The following ESRRG variants were observed in gnomAD, a reference collection of about 807,000 sequenced individuals.
The protein encoded by ESRRG is estrogen related receptor gamma, also known as estrogen-related receptor gamma.
A neutral mutation model predicts 44.0 loss-of-function variants in ESRRG; 13 were observed. The ratio of observed to expected loss-of-function variants is 0.30; its 90% CI spans 0.19 to 0.47. ESRRG has a LOEUF of 0.47. Ranked by LOEUF, ESRRG falls within the 20% of genes least tolerant of loss-of-function variation. ESRRG has a pLI of 1.00. For missense variants in ESRRG, 395 were observed against 580.6 expected, an observed-to-expected ratio of 0.68 and a Z score of 3.29; for synonymous variants, 215 against 214.6, an observed-to-expected ratio of 1.00 and a Z score of -0.02.
At chr1:216,520,431 A>G (rs1290964560) in intron 5 of ESRRG, among the ~76,000 whole-genome samples, 5 of 152,118 alleles carry the variant, frequency 3.3e-5, no homozygotes, top group Non-Finnish European at 7.4e-5. Context: ...AGTCCCTCTG[A>G]GCTTGAGAAA....
rs757408808 is a variant in ESRRG, at chr1:216,504,272, TC to T, written c.*2666del. 3 of 152,202 alleles carry T rather than the reference TC, an allele frequency of 2.0e-5. No individual in the cohort carries two copies. The highest frequency in any genetic ancestry group is 2.0e-4 in the Admixed American group (3 of 15,276). 9.4% of individuals were successfully genotyped at this position (152,202 alleles called of 1,614,324 possible). ...CCTGCACAAACTTTCTGGAAAATAA[TC>T]TTTTTAAACACTTACATATATAAAT... On this transcript the variant is annotated 3_prime_UTR_variant, in exon 7 of 7. Coordinates refer to ENST00000408911, the MANE Select transcript of ESRRG (RefSeq NM_001438.4).
chr1:216,913,511 T>A (rs772957288), intron 2 of ESRRG, among the ~76,000 whole-genome samples: 9 of 152,212 alleles, frequency 5.9e-5, no homozygotes, highest in Non-Finnish European at 1.2e-4. Context: ...ATATTTAGGG[T>A]TTAAAATAAT....
At chr1:216,768,966 G>T (rs2093252200) in intron 2 of ESRRG, among the ~76,000 whole-genome samples, 1 of 151,978 alleles carries the variant, frequency 6.6e-6, no homozygotes, top group South Asian at 2.1e-4. Context: ...CCTTAAAATA[G>T]AACTGACATT....
intron 2 of ESRRG, among the ~76,000 whole-genome samples, chr1:216,834,037 G>A (rs887015149): frequency 5.3e-5 from 8 of 152,108 alleles, no homozygotes; most frequent in Non-Finnish European, 1.2e-4. Flanking sequence ...TGCAGTGAGG[G>A]TGAAATGAAA....
intron 2 of ESRRG, among the ~76,000 whole-genome samples, chr1:216,897,895 A>G (rs2058604087): frequency 1.3e-5 from 2 of 152,142 alleles, no homozygotes; most frequent in South Asian, 4.1e-4. Flanking sequence ...AGCCAAGGAA[A>G]CAGAGGTGGG....
intron 1 of ESRRG, among the ~76,000 whole-genome samples, chr1:217,120,315 C>A (rs115109629): frequency 4.5e-4 from 68 of 152,004 alleles, no homozygotes; most frequent in African/African-American, 1.6e-3. Flanking sequence ...TTATTTCATA[C>A]CTAATCCTAG....
intron 2 of ESRRG, among the ~76,000 whole-genome samples, chr1:216,803,208 A>C (rs1394852602): frequency 6.6e-6 from 1 of 152,198 alleles, no homozygotes; most frequent in Non-Finnish European, 1.5e-5. Flanking sequence ...TCCCTTTTCA[A>C]TACAGACACA....
chr1:216,937,981 T>C (rs1237281169), intron 2 of ESRRG, among the ~76,000 whole-genome samples: 1 of 152,132 alleles, frequency 6.6e-6, no homozygotes, highest in Non-Finnish European at 1.5e-5. Context: ...TGGGAAACTC[T>C]GGAAAAGCAA....
intron 3 of ESRRG, among the ~76,000 whole-genome samples, chr1:216,609,284 T>A (rs1180397644): frequency 2.0e-5 from 3 of 152,252 alleles, no homozygotes; most frequent in Non-Finnish European, 4.4e-5. Flanking sequence ...GTGGCTTTTG[T>A]TTATGATTAT....
intron 2 of ESRRG, among the ~76,000 whole-genome samples, chr1:216,905,941 G>C (rs1456377933): frequency 6.6e-6 from 1 of 152,076 alleles, no homozygotes; most frequent in Non-Finnish European, 1.5e-5. Flanking sequence ...AGTAAATACA[G>C]GGTTTCACCA....
chr1:217,099,328 T>C (rs1478116629), intron 1 of ESRRG, among the ~76,000 whole-genome samples: 1 of 150,892 alleles, frequency 6.6e-6, no homozygotes, highest in Non-Finnish European at 1.5e-5. Flanking sequence ...ATTCCTACCT[T>C]ATAGAAAAAT....
intron 1 of ESRRG, among the ~76,000 whole-genome samples, chr1:217,106,653 T>C (rs542293276): frequency 6.6e-6 from 1 of 152,296 alleles, no homozygotes; most frequent in South Asian, 2.1e-4. Flanking sequence ...CCTATCCTGT[T>C]ACAAGCTGCT....
chr1:216,746,361 G>C (rs948445167), intron 2 of ESRRG, among the ~76,000 whole-genome samples: 4 of 152,056 alleles, frequency 2.6e-5, no homozygotes, highest in Admixed American at 2.6e-4. Flanking sequence ...AAAGAAAAAT[G>C]ATACCAAACT....
intron 1 of ESRRG, among the ~76,000 whole-genome samples, chr1:217,136,702 C>G (rs1168517058): frequency 6.6e-6 from 1 of 152,128 alleles, no homozygotes; most frequent in Non-Finnish European, 1.5e-5. Flanking sequence ...TTGGCCAGGC[C>G]GGATTGTGGG....
At chr1:216,524,819 G>A (rs189585847) in intron 5 of ESRRG, among the ~76,000 whole-genome samples, 482 of 152,312 alleles carry the variant, frequency 3.2e-3, no homozygotes, top group Non-Finnish European at 5.1e-3. Flanking sequence ...AAGGGCAGAA[G>A]TGACCACCTT....
chr1:216,579,434 T>C (rs983189673), intron 3 of ESRRG, among the ~76,000 whole-genome samples: 18 of 152,128 alleles, frequency 1.2e-4, no homozygotes, highest in African/African-American at 4.3e-4. Context: ...GGAAAGTATA[T>C]ACTCTGAGGG....
intron 5 of ESRRG, among the ~76,000 whole-genome samples, chr1:216,552,494 T>A (rs2056617156): frequency 6.6e-6 from 1 of 152,170 alleles, no homozygotes; most frequent in African/African-American, 2.4e-5. Flanking sequence ...GTTGAACACT[T>A]GAAATTATAT....
At chr1:216,564,137 T>C (rs1244689235) in intron 5 of ESRRG, 82 bp downstream of exon 5, 1 of 841,276 alleles carries the variant, frequency 1.2e-6, no homozygotes, top group African/African-American at 1.7e-5. Flanking sequence ...ATGAGAAAAA[T>C]TTGAATTCAC....
intron 1 of ESRRG, among the ~76,000 whole-genome samples, chr1:217,072,275 G>C (rs532764101): frequency 2.0e-5 from 3 of 152,176 alleles, no homozygotes; most frequent in African/African-American, 7.2e-5. Context: ...TCTATGCCAG[G>C]GATGTGGTGA....
Sources: gnomAD v4.1 joint callset for allele counts (sites outside exome capture counted in the v4.1 genomes callset) on GRCh38, gnomAD v4.1.1 for gene constraint, MANE v1.5 for transcripts, NCBI Gene and HGNC (gene_info 2026-07-23, HGNC 2026-07-21) for gene names.